Variants in EYA3 observed in about 807,000 individuals in gnomAD.
EYA3 encodes the protein EYA transcriptional coactivator and phosphatase 3, also known as protein phosphatase EYA3.
In EYA3, 39 loss-of-function variants were observed where a neutral mutation model predicts 80.0. The observed-to-expected ratio is 0.49, with a 90% CI of 0.38 to 0.64. EYA3 has a LOEUF of 0.64. Among genes scored for constraint, EYA3 ranks in the 30% least tolerant of loss-of-function variants. The pLI is 0.00. For missense variants in EYA3, 523 were observed against 676.1 expected, an observed-to-expected ratio of 0.77 and a Z score of 2.51; for synonymous variants, 206 against 232.8, an observed-to-expected ratio of 0.88 and a Z score of 1.05.
intron 1 of EYA3, among the ~76,000 whole-genome samples, chr1:28,063,680 T>C (rs1365623021): frequency 6.6e-6 from 1 of 152,088 alleles, no homozygotes; most frequent in Non-Finnish European, 1.5e-5. Flanking sequence ...TTTCCAATAA[T>C]AATAATGTGC....
chr1:27,977,636 G>C (rs1639009436), intron 17 of EYA3, among the ~76,000 whole-genome samples: 1 of 152,126 alleles, frequency 6.6e-6, no homozygotes, highest in South Asian at 2.1e-4. Flanking sequence ...GGATCACAAG[G>C]TCAGGAGTTC....
In EYA3 at chr1:28,002,936, AT is replaced by A. The variant is rs538526591; in HGVS notation, c.993+1399del. Reference sequence around the variant, plus strand: ...GGAGTTCGAGTCCAGCCTTGCCAACATGGTAAAACCCTGTCTCTACTAAAAG... The same window carrying A: ...GGAGTTCGAGTCCAGCCTTGCCAACAGGTAAAACCCTGTCTCTACTAAAAG... On this transcript the variant is annotated intron_variant, in intron 11 of 17. Transcript: ENST00000373871. Among the ~76,000 whole-genome samples the A allele has an allele frequency of 5.9e-5, 9 of 151,832 alleles. No homozygotes were observed. The East Asian group carries it at 1.7e-3, about 29-fold the overall frequency.
At chr1:28,064,358 T>A (rs1475371309) in intron 1 of EYA3, among the ~76,000 whole-genome samples, 1 of 115,398 alleles carries the variant, frequency 8.7e-6, no homozygotes, top group African/African-American at 3.8e-5. Context: ...AAGCAAGCCA[T>A]CCTCTCTCTC....
intron 17 of EYA3, chr1:27,977,174 CT>C (rs998191582): frequency 9.6e-6 from 14 of 1,452,218 alleles, no homozygotes; most frequent in Non-Finnish European, 1.3e-5. Context: ...ACAAGAAGCA[CT>C]TTAGAATCAA....
intron 14 of EYA3, among the ~76,000 whole-genome samples, chr1:27,992,706 T>C (rs1181213854): frequency 1.3e-5 from 2 of 152,150 alleles, no homozygotes; most frequent in Non-Finnish European, 2.9e-5. Context: ...ACCAAAAAGT[T>C]AGGGAATGTG....
intron 1 of EYA3, among the ~76,000 whole-genome samples, chr1:28,072,936 T>C (rs960876831): frequency 9.9e-5 from 15 of 151,246 alleles, no homozygotes; most frequent in South Asian, 2.1e-4. Context: ...AAATGCATTA[T>C]GCTAAGTGGA....
chr1:28,006,467 G>A (rs899083973), intron 10 of EYA3, among the ~76,000 whole-genome samples: 4 of 152,194 alleles, frequency 2.6e-5, no homozygotes, highest in African/African-American at 7.2e-5. Context: ...AGCACTTTGA[G>A]AGACTGAAGC....
At chr1:27,998,367 A>C in intron 12 of EYA3, 1 of 971,508 alleles carries the variant, frequency 1.0e-6, no homozygotes, top group Non-Finnish European at 1.2e-6. Flanking sequence ...AAATCATTAC[A>C]AATACAATTG....
chr1:27,988,523 T>C lies in EYA3; in HGVS notation c.1540+12A>G, dbSNP rs369897494. Reference sequence around the variant, plus strand: ...GCAAGGCCAGTGACAAGAAACAGCATAGAAACCATACCAATTTTGGTAGCA... The same window carrying C: ...GCAAGGCCAGTGACAAGAAACAGCACAGAAACCATACCAATTTTGGTAGCA... On this transcript the variant is annotated intron_variant, in intron 16 of 17. Coordinates refer to ENST00000373871, the MANE Select transcript of EYA3 (RefSeq NM_001990.4). 6 of 1,611,930 alleles carry C rather than the reference T, an allele frequency of 3.7e-6. No homozygotes were observed. Among genetic ancestry groups the C allele is most frequent in the Middle Eastern group, 3.3e-4 (2 of 6,026 alleles).
chr1:28,075,031 T>A (rs1645153531), intron 1 of EYA3, among the ~76,000 whole-genome samples: 1 of 152,224 alleles, frequency 6.6e-6, no homozygotes, highest in African/African-American at 2.4e-5. Flanking sequence ...TAAGACTCAG[T>A]GTGTATTGAC....
At chr1:28,032,855 A>T (rs1034254311) in intron 6 of EYA3, among the ~76,000 whole-genome samples, 2 of 152,222 alleles carry the variant, frequency 1.3e-5, no homozygotes, top group Non-Finnish European at 1.5e-5. Context: ...TTTTTGATAT[A>T]GACCTAAAGT....
intron 7 of EYA3, among the ~76,000 whole-genome samples, chr1:28,018,544 G>A (rs1307986306): frequency 6.6e-6 from 1 of 152,200 alleles, no homozygotes; most frequent in Non-Finnish European, 1.5e-5. Flanking sequence ...GTCCCCCAGA[G>A]AGAAAATTAG....
chr1:27,971,262 G>A lies in EYA3; in HGVS notation c.*3204C>T, dbSNP rs1021713857. The stretch of plus-strand genomic sequence containing the variant: ...CTCACTCCAGATCTACTACTAGAGA[G>A]AGCCCTCACCGTGACATTACAGACC... On this transcript the variant is annotated 3_prime_UTR_variant, in exon 18 of 18. Coordinates refer to ENST00000373871, the MANE Select transcript of EYA3 (RefSeq NM_001990.4). 4 of 152,222 alleles carry A rather than the reference G, an allele frequency of 2.6e-5. No homozygotes were observed. Among genetic ancestry groups the A allele is most frequent in the African/African-American group, 9.7e-5 (4 of 41,402 alleles). 9.4% of individuals were successfully genotyped at this position (152,222 alleles called of 1,614,324 possible). A position where few individuals can be genotyped will look rare whatever the true frequency, so the allele number is the denominator to read the frequency against.
At chr1:28,074,759 T>C (rs551441906) in intron 1 of EYA3, among the ~76,000 whole-genome samples, 1 of 152,298 alleles carries the variant, frequency 6.6e-6, no homozygotes, top group Admixed American at 6.5e-5. Context: ...TTGCATGCTT[T>C]GTAATAACAG....
chr1:28,073,128 T>TATATATATATATATATATA (rs58073802), intron 1 of EYA3, among the ~76,000 whole-genome samples: 12 of 29,224 alleles, frequency 4.1e-4, no homozygotes, highest in Admixed American at 1.4e-3. Context: ...TATATATATA[T>TATATATATATATATATATA]TTTTTTTTTT....
rs778381640 is a variant in EYA3, at chr1:28,004,419, G to T, written c.910C>A (p.Arg304=). 2 of 1,601,276 alleles carry T rather than the reference G, an allele frequency of 1.2e-6. No homozygotes were observed. The highest frequency in any genetic ancestry group is 1.3e-5 in the African/African-American group (1 of 74,678). Residue 304 remains arginine (R), a splice_region_variant and synonymous_variant, in exon 11 of 18, where the codon CGG becomes AGG. Transcript: ENST00000373871. ...TCATCCAAGTCCCACAGAAATACCC[G>T]CTGAGGAAAGAAAATATAAAAAATG... ...ATSSQDSELE[R]VFLWDLDETI...
rs1391786932 is a variant in EYA3 at position 27,972,872 on chromosome 1, TG to T, written c.*1593del. ...CTGCATTTGGCCCAGGATTAAGTTT[TG>T]GGCCATGAAGTAGGGAATGATGCAG... On this transcript the variant is annotated 3_prime_UTR_variant, in exon 18 of 18. Transcript: ENST00000373871. The T allele has an allele frequency of 6.6e-6, 1 of 152,272 alleles. No homozygotes were observed. Among genetic ancestry groups the T allele is most frequent in the Non-Finnish European group, 1.5e-5 (1 of 68,066 alleles). 9.4% of individuals were successfully genotyped at this position (152,272 alleles called of 1,614,324 possible). A position where few individuals can be genotyped will look rare whatever the true frequency, so the allele number is the denominator to read the frequency against.
chr1:27,985,417 G>C (rs1424130995), intron 16 of EYA3, among the ~76,000 whole-genome samples: 1 of 152,006 alleles, frequency 6.6e-6, no homozygotes, highest in Non-Finnish European at 1.5e-5. Context: ...ATTAGAAGGA[G>C]TTGATCACTC....
intron 2 of EYA3, among the ~76,000 whole-genome samples, chr1:28,052,122 C>T (rs2148886603): frequency 6.6e-6 from 1 of 152,262 alleles, no homozygotes; most frequent in East Asian, 1.9e-4. Flanking sequence ...ATTTCTCACG[C>T]CTTGGCCTCC....
Sources: allele counts gnomAD v4.1 joint callset (sites outside exome capture counted in the v4.1 genomes callset), GRCh38; gene constraint gnomAD v4.1.1; transcripts MANE v1.5; gene names NCBI Gene and HGNC (gene_info 2026-07-23, HGNC 2026-07-21).